The following SFXN1 variants were observed in gnomAD, a reference collection of about 807,000 sequenced individuals.
SFXN1 encodes sideroflexin-1.
In SFXN1, 32 loss-of-function variants were observed where a neutral mutation model predicts 39.5. The observed-to-expected ratio is 0.81, with a 90% CI of 0.61 to 1.09. The LOEUF (loss-of-function observed/expected upper bound fraction) is 1.09, where lower values mean the gene tolerates loss of function less well. SFXN1 is among the 50% of genes least tolerant of loss of function. The pLI, the probability that SFXN1 is intolerant of heterozygous loss-of-function variation, is 0.00. For missense variants in SFXN1, 402 were observed against 407.1 expected (o/e 0.99, Z 0.11); for synonymous variants, 136 against 146.5 (o/e 0.93, Z 0.52).
chr5:175,492,946 A>T (rs145760935), intron 2 of SFXN1, among the ~76,000 whole-genome samples: 129 of 152,238 alleles, frequency 8.5e-4, no homozygotes, highest in African/African-American at 2.9e-3. Context: ...TGTTTGTTTA[A>T]CAATCCTTTA....
chr5:175,513,918 G>A (rs193287795), intron 7 of SFXN1, among the ~76,000 whole-genome samples: 18 of 152,030 alleles, frequency 1.2e-4, no homozygotes, highest in Admixed American at 2.6e-4. Flanking sequence ...CAGGCATTAC[G>A]GGTGCAGGTG....
intron 1 of SFXN1, among the ~76,000 whole-genome samples, chr5:175,487,299 C>T (rs1315197299): frequency 6.6e-6 from 1 of 152,194 alleles, no homozygotes; most frequent in African/African-American, 2.4e-5. Context: ...TCCATTGGTG[C>T]AGAACCATCA....
At chr5:175,494,646 T>C (rs1759788177) in intron 2 of SFXN1, among the ~76,000 whole-genome samples, 2 of 151,268 alleles carry the variant, frequency 1.3e-5, no homozygotes, top group African/African-American at 4.9e-5. Context: ...CAGCTACTTG[T>C]GTGGCAGAGA....
At chr5:175,495,728 C>CA (rs70988287) in intron 2 of SFXN1, among the ~76,000 whole-genome samples, 58,885 of 139,210 alleles carry the variant, frequency 0.42, 12,456 homozygotes, top group Non-Finnish European at 0.49. Flanking sequence ...GACTTCGTCT[C>CA]AAAAAAAAAA....
In SFXN1 at chr5:175,492,150, G is replaced by C. The variant is rs1759679649; in HGVS notation, c.47G>C (p.Trp16Ser). 6.2e-7 allele frequency: 1 copy of C among 1,613,698 alleles called. No individual in the cohort carries two copies. Among genetic ancestry groups the C allele is most frequent in the East Asian group, 2.2e-5 (1 of 44,846 alleles). Residue 16 changes from tryptophan to serine, a missense_variant, in exon 2 of 11, where the codon TGG becomes TCG. Transcript: ENST00000321442. The part of the protein sequence containing the change: ...PPNINIKEPR[W>S]DQSTFIGRAN... ...AACATTAACATCAAGGAACCTCGAT[G>C]GGATCAAAGCACTTTCATTGGACGA...
At chr5:175,523,754 G>T (rs1174785547) in intron 10 of SFXN1, 1 of 151,940 alleles carries the variant, frequency 6.6e-6, no homozygotes, top group Admixed American at 6.6e-5. Context: ...TTAGGTCAAG[G>T]CCCTCAGAAA....
chr5:175,486,187 T>C (rs267391), intron 1 of SFXN1, among the ~76,000 whole-genome samples: 4 of 150,374 alleles, frequency 2.7e-5, no homozygotes, highest in East Asian at 1.9e-4. Context: ...AGGAAAAAAG[T>C]GGGGGGGCCT....
intron 1 of SFXN1, among the ~76,000 whole-genome samples, chr5:175,479,085 G>T (rs1759137675): frequency 6.6e-6 from 1 of 152,378 alleles, no homozygotes; most frequent in Middle Eastern, 3.4e-3. Context: ...GGTGCTGGGG[G>T]TCGGAGGGGA....
intron 10 of SFXN1, chr5:175,525,933 T>A (rs1050782862): frequency 6.6e-6 from 1 of 152,180 alleles, no homozygotes; most frequent in Non-Finnish European, 1.5e-5. Context: ...TTTTTTAAAC[T>A]AATTACATAT....
Position 175,486,396 on chromosome 5 carries a change from A to G in SFXN1, c.-9-5699A>G, listed in dbSNP as rs1391370058. Reference sequence around the variant, plus strand: ...CCCTCTGGACCTCAGCTTCCGCATAATAAGCGCATTGGATAAATCATTTTT... The same window carrying G: ...CCCTCTGGACCTCAGCTTCCGCATAGTAAGCGCATTGGATAAATCATTTTT... On this transcript the variant is annotated intron_variant, in intron 1 of 10. Transcript: ENST00000321442. Among the ~76,000 whole-genome samples the G allele has an allele frequency of 2.6e-5, 4 of 152,320 alleles. No individual in the cohort carries two copies. The East Asian group carries it at 7.7e-4, about 29-fold the overall frequency.
intron 2 of SFXN1, among the ~76,000 whole-genome samples, chr5:175,495,043 TC>T (rs1401022631): frequency 6.6e-6 from 1 of 152,122 alleles, no homozygotes; most frequent in South Asian, 2.1e-4. Context: ...AACCCAGGTG[TC>T]CGTCAGCAGA....
chr5:175,501,694 T>C (rs554961623), intron 2 of SFXN1, among the ~76,000 whole-genome samples: 1 of 152,284 alleles, frequency 6.6e-6, no homozygotes, highest in East Asian at 1.9e-4. Context: ...CACTTCACCA[T>C]AGAAGATACA....
chr5:175,490,458 AT>A (rs1325241384), intron 1 of SFXN1, among the ~76,000 whole-genome samples: 1 of 152,188 alleles, frequency 6.6e-6, no homozygotes, highest in Non-Finnish European at 1.5e-5. Context: ...ATATGTGTTC[AT>A]TGGAGATTTT....
At chr5:175,517,941 C>G (rs760720515) in intron 8 of SFXN1, among the ~76,000 whole-genome samples, 7 of 152,070 alleles carry the variant, frequency 4.6e-5, no homozygotes, top group Non-Finnish European at 8.8e-5. Context: ...TAGAAATGAC[C>G]AGACTCCTCC....
chr5:175,503,605 G>A (rs1294326926), intron 2 of SFXN1, among the ~76,000 whole-genome samples: 1 of 152,198 alleles, frequency 6.6e-6, no homozygotes, highest in Non-Finnish European at 1.5e-5. Flanking sequence ...GGCATAATGG[G>A]TGGTACTTCT....
chr5:175,487,383 A>G (rs1273195412), intron 1 of SFXN1, among the ~76,000 whole-genome samples: 2 of 152,144 alleles, frequency 1.3e-5, no homozygotes, highest in Non-Finnish European at 2.9e-5. Context: ...TCCTCTTGCT[A>G]CCACCATCAT....
chr5:175,501,291 A>G (rs766001098), intron 2 of SFXN1, among the ~76,000 whole-genome samples: 36 of 152,038 alleles, frequency 2.4e-4, no homozygotes, highest in Admixed American at 2.6e-4. Flanking sequence ...GATGGTCTCG[A>G]TCTCCTGACC....
chr5:175,493,355 C>T (rs1759734430), intron 2 of SFXN1, among the ~76,000 whole-genome samples: 1 of 152,098 alleles, frequency 6.6e-6, no homozygotes, highest in African/African-American at 2.4e-5. Context: ...AAAGTCAATC[C>T]AAAGCTGGGG....
At position 175,510,200 on chromosome 5, in the gene SFXN1, A is replaced by C; in HGVS notation, c.427A>C (p.Thr143Pro). The stretch of plus-strand genomic sequence containing the variant: ...CAACAGAAGTGGAGACGCACCCCTC[A>C]CTGTCAAGTAAGGCTACGAGAATTG... The part of the protein sequence containing the change: ...YTNRSGDAPL[T>P]VNELGTAYVS... Residue 143 changes from threonine (T) to proline (P), a missense_variant, in exon 4 of 11, where the codon ACT becomes CCT. Coordinates refer to ENST00000321442, the MANE Select transcript of SFXN1 (RefSeq NM_022754.7). 1.9e-6 allele frequency: 3 copies of C among 1,610,470 alleles called. No individual in the cohort carries two copies. The highest frequency in any genetic ancestry group is 2.5e-6 in the Non-Finnish European group (3 of 1,178,200).
Sources: allele counts gnomAD v4.1 joint callset (sites outside exome capture counted in the v4.1 genomes callset), GRCh38; gene constraint gnomAD v4.1.1; transcripts MANE v1.5; gene names NCBI Gene and HGNC (gene_info 2026-07-23, HGNC 2026-07-21).